The following FANCC variants were observed in gnomAD, a reference collection of about 807,000 sequenced individuals.
FANCC encodes Fanconi anemia group C protein.
A neutral mutation model predicts 71.3 loss-of-function variants in FANCC; 55 were observed. The observed-to-expected ratio is 0.77, with a 90% CI of 0.62 to 0.97. FANCC has a LOEUF of 0.97. Ranked by LOEUF, FANCC falls within the 50% of genes least tolerant of loss-of-function variation. The pLI is 0.00. For missense variants in FANCC, 678 were observed against 670.9 expected (o/e 1.01, Z -0.12); for synonymous variants, 275 against 244.9 (o/e 1.12, Z -1.15).
At chr9:95,123,564 G>A (rs569063409) in intron 10 of FANCC, 36 of 554,490 alleles carry the variant, frequency 6.5e-5, no homozygotes, top group Admixed American at 4.4e-4. Flanking sequence ...AAAAAGGGCC[G>A]CGGCCACGTG....
intron 1 of FANCC, among the ~76,000 whole-genome samples, chr9:95,304,181 T>C (rs753751863): frequency 6.6e-6 from 1 of 152,170 alleles, no homozygotes. Flanking sequence ...CTCCCACACA[T>C]TCTGCTTTAG....
chr9:95,263,094 TTATTTA>T (rs1219913272), intron 1 of FANCC, among the ~76,000 whole-genome samples: 2 of 152,224 alleles, frequency 1.3e-5, no homozygotes, highest in African/African-American at 2.4e-5. Context: ...GGTTACAATC[TTATTTA>T]TATTTACCAC....
chr9:95,168,684 C>T (rs962923066), intron 6 of FANCC, among the ~76,000 whole-genome samples: 1 of 152,178 alleles, frequency 6.6e-6, no homozygotes, highest in Non-Finnish European at 1.5e-5. Context: ...GCATAAGCCA[C>T]CACGCCCAGC....
At position 95,281,673 on chromosome 9, in the gene FANCC, T is replaced by C. The variant is rs1307686266; in HGVS notation, c.-78-32304A>G. 2.6e-5 allele frequency among the ~76,000 whole-genome samples: 4 copies of C among 152,134 alleles called. No homozygotes were observed. In the South Asian group the frequency reaches 6.2e-4, roughly 24 times the overall value. On this transcript the variant is annotated intron_variant, in intron 1 of 14. Coordinates refer to ENST00000289081, the MANE Select transcript of FANCC (RefSeq NM_000136.3). ...TACTGTAATGGTGGTATGTACATCA[T>C]ATATTTTTTTAAGAAGGTTAAGACA...
chr9:95,218,143 G>C (rs527785126), intron 4 of FANCC, among the ~76,000 whole-genome samples: 128 of 152,286 alleles, frequency 8.4e-4, no homozygotes, highest in African/African-American at 2.9e-3. Flanking sequence ...AGTTTCACTA[G>C]TGACTTCAAT....
intron 1 of FANCC, among the ~76,000 whole-genome samples, chr9:95,314,139 A>G (rs1485227516): frequency 2.6e-5 from 4 of 152,278 alleles, no homozygotes; most frequent in African/African-American, 9.6e-5. Flanking sequence ...AAAGAAAAGT[A>G]AAACTATATT....
chr9:95,207,229 T>A (rs368763449), intron 4 of FANCC, among the ~76,000 whole-genome samples: 14 of 152,038 alleles, frequency 9.2e-5, no homozygotes, highest in African/African-American at 2.9e-4. Context: ...GGCCACAGCT[T>A]CTATCACTAA....
At chr9:95,144,048 A>C (rs1326204152) in intron 7 of FANCC, among the ~76,000 whole-genome samples, 1 of 152,208 alleles carries the variant, frequency 6.6e-6, no homozygotes, top group Non-Finnish European at 1.5e-5. Context: ...TGTGGTAAGC[A>C]AATAGTTGGA....
At chr9:95,111,076 C>T in intron 13 of FANCC, 1 of 1,506,948 alleles carries the variant, frequency 6.6e-7, no homozygotes, top group South Asian at 1.3e-5. Flanking sequence ...GGGAGCGAGA[C>T]AGGGCCCTGG....
At chr9:95,110,303 T>C (rs1291399861) in intron 13 of FANCC, 9 of 1,014,536 alleles carry the variant, frequency 8.9e-6, no homozygotes, top group East Asian at 6.8e-5. Flanking sequence ...TGTGATGGAA[T>C]TGAACACATA....
At chr9:95,253,876 T>C (rs574748767) in intron 1 of FANCC, among the ~76,000 whole-genome samples, 43 of 152,356 alleles carry the variant, frequency 2.8e-4, no homozygotes, top group Non-Finnish European at 4.7e-4. Flanking sequence ...CATTCTCATA[T>C]GGAGCGTGCA....
chr9:95,185,003 T>C (rs1826623484), intron 4 of FANCC, among the ~76,000 whole-genome samples: 1 of 152,244 alleles, frequency 6.6e-6, no homozygotes, highest in Non-Finnish European at 1.5e-5. Flanking sequence ...TGTAACACAG[T>C]TTCACTGATA....
chr9:95,256,346 T>C lies in FANCC; in HGVS notation c.-78-6977A>G, dbSNP rs564871877. On this transcript the variant is annotated intron_variant, in intron 1 of 14. Transcript: ENST00000289081. ...CCATCAGACTAACAGCGGATCTCTC[T>C]GCAGAAACTCTACAAGCCAGAAGAA... Among the ~76,000 whole-genome samples, 3 of 152,346 alleles carry C rather than the reference T, an allele frequency of 2.0e-5. No individual in the cohort carries two copies. The South Asian group carries it at 6.2e-4, about 32-fold the overall frequency.
chr9:95,137,692 G>C (rs117956814), intron 7 of FANCC, among the ~76,000 whole-genome samples: 3 of 152,212 alleles, frequency 2.0e-5, no homozygotes, highest in Admixed American at 2.0e-4. Context: ...TGGAAGCTCC[G>C]GGAGAGGAAT....
intron 4 of FANCC, among the ~76,000 whole-genome samples, chr9:95,226,139 A>G (rs1270769539): frequency 6.6e-6 from 1 of 152,260 alleles, no homozygotes; most frequent in Non-Finnish European, 1.5e-5. Flanking sequence ...TATTTAAGAA[A>G]GCAATGGCAT....
intron 1 of FANCC, among the ~76,000 whole-genome samples, chr9:95,310,921 C>T (rs2136418100): frequency 6.6e-6 from 1 of 152,328 alleles, no homozygotes; most frequent in Middle Eastern, 3.4e-3. Context: ...GAGGAAAAGT[C>T]ATTATGCATA....
At chr9:95,179,207 T>C (rs1283397836) in intron 4 of FANCC, among the ~76,000 whole-genome samples, 1 of 152,232 alleles carries the variant, frequency 6.6e-6, no homozygotes, top group Non-Finnish European at 1.5e-5. Flanking sequence ...TTACTTTAGA[T>C]AAAAGAGACC....
rs1419355290 is a variant in FANCC at position 95,315,650 on chromosome 9, CAG to C, written c.-79+1874_-79+1875del. 6.4e-4 allele frequency among the ~76,000 whole-genome samples: 97 copies of C among 152,322 alleles called. 1 individual carries two copies. The highest frequency in any genetic ancestry group is 6.5e-5 in the Admixed American group (1 of 15,298). On this transcript the variant is annotated intron_variant, in intron 1 of 14. Transcript: ENST00000289081. ...AATCACTCAAGATCCACAAACAAGA[CAG>C]AGAATGCACATATCCCAGCCTAAAA...
At chr9:95,202,674 C>T (rs1210079241) in intron 4 of FANCC, among the ~76,000 whole-genome samples, 1 of 152,066 alleles carries the variant, frequency 6.6e-6, no homozygotes, top group East Asian at 1.9e-4. Context: ...GGATTGGTTA[C>T]AAAGCAAGAT....
Sources: allele counts gnomAD v4.1 joint callset (sites outside exome capture counted in the v4.1 genomes callset), GRCh38; gene constraint gnomAD v4.1.1; transcripts MANE v1.5; gene names NCBI Gene and HGNC (gene_info 2026-07-23, HGNC 2026-07-21).